PARG: variants seen among roughly 807,000 people sequenced by gnomAD.
PARG encodes the protein poly(ADP-ribose) glycohydrolase.
Under a neutral mutation model 113.0 loss-of-function variants are expected in PARG, and 35 were observed. The ratio of observed to expected loss-of-function variants is 0.31; its 90% CI spans 0.24 to 0.41. The LOEUF (loss-of-function observed/expected upper bound fraction) is 0.41. PARG is among the 10% of genes least tolerant of loss of function. The probability of loss-of-function intolerance (pLI) is 1.00; values close to 1 mark genes in which losing one functional copy is unlikely to be tolerated. For missense variants in PARG, 797 were observed against 1,169.4 expected, an observed-to-expected ratio of 0.68 and a Z score of 4.64; for synonymous variants, 330 against 409.9, an observed-to-expected ratio of 0.81 and a Z score of 2.36.
intron 7 of PARG, among the ~76,000 whole-genome samples, chr10:49,891,275 C>A (rs149022494): frequency 0.02 from 2,362 of 118,642 alleles, no homozygotes; most frequent in South Asian, 0.073. Flanking sequence ...GATCGTGCCA[C>A]TGCACTTCCG....
chr10:49,888,051 A>T (rs576756440), intron 7 of PARG, among the ~76,000 whole-genome samples: 145 of 152,088 alleles, frequency 9.5e-4, no homozygotes, highest in East Asian at 8.3e-3. Flanking sequence ...ATTTTTTTTT[A>T]AAGTAGCTGC....
At chr10:49,881,901 C>T (rs1362492231) in intron 8 of PARG, among the ~76,000 whole-genome samples, 5 of 152,036 alleles carry the variant, frequency 3.3e-5, no homozygotes, top group African/African-American at 4.8e-5. Flanking sequence ...TTTTCCATCC[C>T]GTGCATTTGT....
intron 16 of PARG, among the ~76,000 whole-genome samples, chr10:49,829,838 A>G (rs1220384830): frequency 2.0e-5 from 3 of 152,220 alleles, no homozygotes; most frequent in African/African-American, 7.2e-5. Flanking sequence ...TTCCAAAACC[A>G]TCTTTCCCTG....
At chr10:49,891,562 G>C (rs1554841496) in intron 7 of PARG, among the ~76,000 whole-genome samples, 3 of 126,006 alleles carry the variant, frequency 2.4e-5, no homozygotes, top group African/African-American at 9.0e-5. Context: ...AAATAGCAAA[G>C]AGGAAATATC....
rs767587003 is a variant in PARG at position 49,820,147 on chromosome 10, A to G, written c.2776+18T>C. 9 of 1,513,952 alleles carry G rather than the reference A, an allele frequency of 5.9e-6. No individual in the cohort carries two copies. The highest frequency in any genetic ancestry group is 4.8e-5 in the South Asian group (4 of 82,958). 93.8% of individuals were successfully genotyped at this position (1,513,952 alleles called of 1,614,324 possible). ...CAATCCATCTAGATACCAAGTGTCA[A>G]GAGTATCTCCTACTTACCAACAGTG... On this transcript the variant is annotated intron_variant, in intron 17 of 17. Transcript: ENST00000616448.
chr10:49,836,935 C>T, intron 15 of PARG, among the ~76,000 whole-genome samples: 1 of 152,202 alleles, frequency 6.6e-6, no homozygotes, highest in East Asian at 1.9e-4. Flanking sequence ...CCTAACATGG[C>T]AAATACAACT....
intron 4 of PARG, among the ~76,000 whole-genome samples, chr10:49,931,342 G>A (rs1447158889): frequency 3.9e-5 from 6 of 152,062 alleles, no homozygotes; most frequent in Non-Finnish European, 7.3e-5. Flanking sequence ...TAACAAAATA[G>A]CCACAAGATT....
At chr10:49,912,402 T>C (rs868917987) in intron 7 of PARG, among the ~76,000 whole-genome samples, 5 of 151,568 alleles carry the variant, frequency 3.3e-5, no homozygotes, top group African/African-American at 1.2e-4. Flanking sequence ...CGGTGGCTCA[T>C]GCCTGTAATC....
chr10:49,822,928 T>C (rs531287978), intron 16 of PARG, among the ~76,000 whole-genome samples: 11 of 152,252 alleles, frequency 7.2e-5, no homozygotes, highest in Non-Finnish European at 1.0e-4. Context: ...AAAAAGGCTG[T>C]GGAAATATTC....
chr10:49,839,798 A>G (rs1845134577), intron 15 of PARG, among the ~76,000 whole-genome samples: 1 of 152,224 alleles, frequency 6.6e-6, no homozygotes, highest in Admixed American at 6.5e-5. Context: ...AAAATAGTGA[A>G]GCTTTCAGTT....
At chr10:49,919,527 C>T (rs1358825232) in intron 6 of PARG, among the ~76,000 whole-genome samples, 4 of 152,142 alleles carry the variant, frequency 2.6e-5, no homozygotes, top group African/African-American at 4.8e-5. Context: ...TAAATTCTAA[C>T]GAACCTTCAT....
At position 49,941,778 on chromosome 10, in the gene PARG, T is replaced by A; in HGVS notation, c.-53A>T. 4.5e-6 allele frequency: 7 copies of A among 1,540,010 alleles called. No individual in the cohort carries two copies. The highest frequency in any genetic ancestry group is 6.1e-6 in the Non-Finnish European group (7 of 1,147,156). On this transcript the variant is annotated 5_prime_UTR_variant, in exon 1 of 18. Coordinates refer to ENST00000616448, the MANE Select transcript of PARG (RefSeq NM_003631.5). ...GGCCGGCCCGGGCGGAGAGCCTCATTCACTAACCCTGAGAGAGATGGACTG... is the reference window on the plus strand; with the variant it reads ...GGCCGGCCCGGGCGGAGAGCCTCATACACTAACCCTGAGAGAGATGGACTG...
intron 4 of PARG, among the ~76,000 whole-genome samples, chr10:49,928,721 T>A (rs1257616399): frequency 3.9e-5 from 6 of 152,172 alleles, no homozygotes; most frequent in Non-Finnish European, 8.8e-5. Flanking sequence ...CCCAGGCTAG[T>A]CTTGAACTCC....
At chr10:49,856,678 A>G (rs1273526123) in intron 13 of PARG, among the ~76,000 whole-genome samples, 2 of 152,166 alleles carry the variant, frequency 1.3e-5, no homozygotes, top group African/African-American at 4.8e-5. Context: ...TACTAGAGGC[A>G]TATCACTATG....
chr10:49,836,864 A>G (rs1227979018), intron 15 of PARG, among the ~76,000 whole-genome samples: 1 of 152,208 alleles, frequency 6.6e-6, no homozygotes, highest in Non-Finnish European at 1.5e-5. Flanking sequence ...CACCTTGTTC[A>G]ATCTCAGATT....
intron 15 of PARG, among the ~76,000 whole-genome samples, chr10:49,835,745 A>C (rs1311717878): frequency 6.6e-6 from 1 of 152,048 alleles, no homozygotes; most frequent in Non-Finnish European, 1.5e-5. Flanking sequence ...ACTGATGTAT[A>C]AGATTTTACA....
At chr10:49,927,722 C>T (rs1387109163) in intron 4 of PARG, among the ~76,000 whole-genome samples, 1 of 151,922 alleles carries the variant, frequency 6.6e-6, no homozygotes, top group African/African-American at 2.4e-5. Context: ...GCAATCTCAA[C>T]ACTTTGGGAG....
At chr10:49,890,101 T>C (rs1564634675) in intron 7 of PARG, among the ~76,000 whole-genome samples, 1 of 152,164 alleles carries the variant, frequency 6.6e-6, no homozygotes, top group Non-Finnish European at 1.5e-5. Flanking sequence ...AATAAACATG[T>C]ATTACTTATT....
chr10:49,927,369 GGAAAGAAAGAAAGAAAGAAA>G (rs200282973), intron 4 of PARG, among the ~76,000 whole-genome samples: 54,102 of 129,908 alleles, frequency 0.42, 12,624 homozygotes, highest in East Asian at 0.58. Flanking sequence ...AAGGAAAGAA[GGAAAGAAAGAAAGAAAGAAA>G]GAAAGAAAGA....
Sources: gnomAD v4.1 joint callset for allele counts (sites outside exome capture counted in the v4.1 genomes callset) on GRCh38, gnomAD v4.1.1 for gene constraint, MANE v1.5 for transcripts, NCBI Gene and HGNC (gene_info 2026-07-23, HGNC 2026-07-21) for gene names.